RFX3: variants seen among roughly 807,000 people sequenced by gnomAD.
RFX3 encodes the protein transcription factor RFX3.
Under a neutral mutation model 98.6 loss-of-function variants are expected in RFX3, and 14 were observed. That is an observed-to-expected ratio of 0.14 (90% CI 0.09 to 0.22). The LOEUF is 0.22. Ranked by LOEUF, RFX3 falls within the 10% of genes least tolerant of loss-of-function variation. The probability of loss-of-function intolerance (pLI) is 1.00; values close to 1 mark genes in which losing one functional copy is unlikely to be tolerated. For missense variants in RFX3, 639 were observed against 926.9 expected (o/e 0.69, Z 4.03); for synonymous variants, 383 against 328.4 (o/e 1.17, Z -1.80).
At chr9:3,458,441 C>A (rs189676288) in intron 1 of RFX3, among the ~76,000 whole-genome samples, 1 of 152,268 alleles carries the variant, frequency 6.6e-6, no homozygotes, top group African/African-American at 2.4e-5. Context: ...AATAAATCTA[C>A]ATGTCTTACA....
At chr9:3,372,024 T>G (rs192837316) in intron 2 of RFX3, among the ~76,000 whole-genome samples, 33 of 152,274 alleles carry the variant, frequency 2.2e-4, no homozygotes, top group Non-Finnish European at 2.9e-5. Context: ...ACCTAAGTGG[T>G]AAATATTACA....
intron 2 of RFX3, among the ~76,000 whole-genome samples, chr9:3,349,856 T>C (rs1834892955): frequency 6.6e-6 from 1 of 152,086 alleles, no homozygotes; most frequent in African/African-American, 2.4e-5. Context: ...AAGGAATATA[T>C]TCCTTTTGAC....
chr9:3,299,344 G>C (rs1056192553), intron 5 of RFX3, among the ~76,000 whole-genome samples: 1 of 151,722 alleles, frequency 6.6e-6, no homozygotes, highest in African/African-American at 2.4e-5. Context: ...GGAGGAAAAA[G>C]ACAACAGGAT....
At chr9:3,394,486 A>G (rs997982074) in intron 2 of RFX3, among the ~76,000 whole-genome samples, 2 of 152,144 alleles carry the variant, frequency 1.3e-5, no homozygotes, top group African/African-American at 4.8e-5. Flanking sequence ...AACAAACACA[A>G]GACGATTATC....
At chr9:3,266,072 A>C (rs949567409) in intron 12 of RFX3, 136 bp downstream of exon 12, 1 of 496,796 alleles carries the variant, frequency 2.0e-6, no homozygotes, top group African/African-American at 1.9e-5. Flanking sequence ...ATACAAATAT[A>C]AAAATCAGTT....
At chr9:3,427,966 C>A (rs766177210) in intron 1 of RFX3, among the ~76,000 whole-genome samples, 5 of 152,070 alleles carry the variant, frequency 3.3e-5, no homozygotes, top group Non-Finnish European at 7.4e-5. Flanking sequence ...GCCACTGTTT[C>A]TGCTTGGACT....
At chr9:3,344,709 T>G in intron 3 of RFX3, 2 of 595,886 alleles carry the variant, frequency 3.4e-6, no homozygotes, top group Non-Finnish European at 6.0e-6. Flanking sequence ...CAGACAAAGA[T>G]GAAATGACAA....
intron 4 of RFX3, among the ~76,000 whole-genome samples, chr9:3,321,522 C>T (rs1009074281): frequency 3.3e-5 from 5 of 152,122 alleles, no homozygotes; most frequent in Non-Finnish European, 4.4e-5. Flanking sequence ...TTTCATTGGA[C>T]TGCCTGTTCT....
At chr9:3,474,775 C>G (rs1849080335) in intron 1 of RFX3, among the ~76,000 whole-genome samples, 1 of 152,092 alleles carries the variant, frequency 6.6e-6, no homozygotes, top group East Asian at 1.9e-4. Context: ...GAACCCTAAT[C>G]AATCTAAATG....
intron 1 of RFX3, among the ~76,000 whole-genome samples, chr9:3,423,180 T>G (rs1843603248): frequency 6.6e-6 from 1 of 152,146 alleles, no homozygotes; most frequent in South Asian, 2.1e-4. Flanking sequence ...GAGCTCTCTG[T>G]GAAGGAAGGA....
At chr9:3,338,684 G>C (rs1290522448) in intron 3 of RFX3, among the ~76,000 whole-genome samples, 1 of 152,196 alleles carries the variant, frequency 6.6e-6, no homozygotes, top group East Asian at 1.9e-4. Flanking sequence ...CAAGTTCTCA[G>C]TTGATGTGAA....
At chr9:3,267,617 C>T (rs370925542) in intron 11 of RFX3, among the ~76,000 whole-genome samples, 1 of 151,780 alleles carries the variant, frequency 6.6e-6, no homozygotes, top group South Asian at 2.1e-4. Context: ...AACACTCAAG[C>T]AGTGCAGATC....
intron 1 of RFX3, among the ~76,000 whole-genome samples, chr9:3,507,362 T>C (rs558116914): frequency 2.6e-5 from 4 of 151,920 alleles, no homozygotes; most frequent in South Asian, 2.1e-4. Context: ...AGGATAATAA[T>C]AGCAATTGCC....
At chr9:3,482,843 C>A (rs928387407) in intron 1 of RFX3, among the ~76,000 whole-genome samples, 2 of 151,956 alleles carry the variant, frequency 1.3e-5, no homozygotes, top group Admixed American at 6.6e-5. Context: ...GCCTAGAGAC[C>A]TTGATTCTGT....
intron 5 of RFX3, among the ~76,000 whole-genome samples, chr9:3,297,085 A>C (rs1828085471): frequency 6.6e-6 from 1 of 152,140 alleles, no homozygotes; most frequent in South Asian, 2.1e-4. Flanking sequence ...ACCTAAAGGC[A>C]CAGGCTCCAT....
intron 1 of RFX3, among the ~76,000 whole-genome samples, chr9:3,487,624 T>C (rs1850386428): frequency 1.3e-5 from 2 of 152,314 alleles, no homozygotes; most frequent in South Asian, 4.2e-4. Flanking sequence ...ATTACTACTC[T>C]AATTTACAGT....
rs571875875 is a variant in RFX3 at position 3,232,665 on chromosome 9, A to G, written c.1969-3776T>C. On this transcript the variant is annotated intron_variant, in intron 15 of 16. Transcript: ENST00000617270. ...GGAATTTGGCAAGTTAAGTGTTTAG[A>G]TTTCATCTTACAGCTATTGAAAACA... Among the ~76,000 whole-genome samples, 9 of 152,298 alleles carry G rather than the reference A, an allele frequency of 5.9e-5. No homozygotes were observed. The South Asian group carries it at 1.7e-3, about 28-fold the overall frequency.
At chr9:3,523,362 T>C (rs1818911861) in intron 1 of RFX3, among the ~76,000 whole-genome samples, 1 of 152,236 alleles carries the variant, frequency 6.6e-6, no homozygotes. Context: ...TCCTTGTGTT[T>C]AATTTTTAAA....
chr9:3,283,047 T>C (rs906245015), intron 7 of RFX3, among the ~76,000 whole-genome samples: 1 of 151,804 alleles, frequency 6.6e-6, no homozygotes, highest in Admixed American at 6.6e-5. Context: ...AGTTATTGAG[T>C]TGTGATTATT....
Sources: gnomAD v4.1 joint callset for allele counts (sites outside exome capture counted in the v4.1 genomes callset) on GRCh38, gnomAD v4.1.1 for gene constraint, MANE v1.5 for transcripts, NCBI Gene and HGNC (gene_info 2026-07-23, HGNC 2026-07-21) for gene names.